Variants in DISC1 observed in about 807,000 individuals in gnomAD.
DISC1 encodes DISC1 scaffold protein, also known as disrupted in schizophrenia 1 protein.
DISC1 carries 57 observed loss-of-function variants against 84.5 expected under a neutral mutation model. The ratio of observed to expected loss-of-function variants is 0.67; its 90% CI spans 0.55 to 0.84. DISC1 has a LOEUF of 0.84. Ranked by LOEUF, DISC1 falls within the 40% of genes least tolerant of loss-of-function variation. DISC1 has a pLI of 0.00. For synonymous variants in DISC1, 411 were observed against 415.2 expected, an observed-to-expected ratio of 0.99 and a Z score of 0.12; for missense variants, 1,000 against 1,057.8, an observed-to-expected ratio of 0.95 and a Z score of 0.76.
chr1:231,831,380 G>A (rs1303724386), intron 9 of DISC1, among the ~76,000 whole-genome samples: 2 of 152,238 alleles, frequency 1.3e-5, no homozygotes, highest in Non-Finnish European at 2.9e-5. Flanking sequence ...AGAATAGAAT[G>A]GGACTGTGAG....
chr1:231,669,770 G>T (rs568968268), intron 1 of DISC1, among the ~76,000 whole-genome samples: 1 of 152,178 alleles, frequency 6.6e-6, no homozygotes, highest in Admixed American at 6.5e-5. Context: ...TATGCTGTCG[G>T]TGGGAGTGTA....
intron 1 of DISC1, among the ~76,000 whole-genome samples, chr1:231,672,147 T>C (rs960318769): frequency 6.6e-6 from 1 of 152,004 alleles, no homozygotes; most frequent in Non-Finnish European, 1.5e-5. Flanking sequence ...TTAGATTCTG[T>C]TTTTTTTCTC....
At chr1:231,933,701 G>T (rs2090806781) in intron 9 of DISC1, among the ~76,000 whole-genome samples, 1 of 152,118 alleles carries the variant, frequency 6.6e-6, no homozygotes, top group Admixed American at 6.6e-5. Context: ...TTTTAACCTG[G>T]CATCTTTTAA....
chr1:231,678,278 A>G (rs2063349077), intron 1 of DISC1, among the ~76,000 whole-genome samples: 1 of 152,218 alleles, frequency 6.6e-6, no homozygotes, highest in Non-Finnish European at 1.5e-5. Context: ...AAAGAGGACG[A>G]ATGTGTTATT....
intron 10 of DISC1, among the ~76,000 whole-genome samples, chr1:231,973,434 G>A (rs1027538453): frequency 7.2e-5 from 11 of 152,220 alleles, no homozygotes; most frequent in African/African-American, 2.4e-4. Context: ...AGCAAGTTGA[G>A]GGACAGGGCT....
At chr1:231,839,513 C>A (rs1477308498) in intron 9 of DISC1, among the ~76,000 whole-genome samples, 1 of 152,116 alleles carries the variant, frequency 6.6e-6, no homozygotes, top group East Asian at 1.9e-4. Flanking sequence ...AGAGCCAAAC[C>A]ATGAGATACC....
intron 1 of DISC1, among the ~76,000 whole-genome samples, chr1:231,684,312 G>A (rs2063999700): frequency 6.6e-6 from 1 of 151,658 alleles, no homozygotes; most frequent in African/African-American, 2.4e-5. Context: ...ACTTGAAAAA[G>A]TATTATCAAA....
chr1:231,996,409 C>G (rs1265973503), intron 10 of DISC1, among the ~76,000 whole-genome samples: 1 of 152,134 alleles, frequency 6.6e-6, no homozygotes, highest in Non-Finnish European at 1.5e-5. Context: ...GACATGAAGT[C>G]CTTGCCCATG....
chr1:232,015,230 T>C (rs930798692), intron 11 of DISC1, among the ~76,000 whole-genome samples: 2 of 152,124 alleles, frequency 1.3e-5, no homozygotes, highest in African/African-American at 4.8e-5. Context: ...TGCTGGCTTC[T>C]CCTTCTTTCG....
At chr1:231,866,102 G>A (rs1369697280) in intron 9 of DISC1, among the ~76,000 whole-genome samples, 2 of 152,126 alleles carry the variant, frequency 1.3e-5, no homozygotes, top group African/African-American at 4.8e-5. Flanking sequence ...TGGTGTGTGT[G>A]TGTGGCTCAG....
intron 4 of DISC1, among the ~76,000 whole-genome samples, chr1:231,758,004 G>T (rs1475262665): frequency 6.6e-6 from 1 of 151,894 alleles, no homozygotes; most frequent in African/African-American, 2.4e-5. Flanking sequence ...GAGGAGGGGT[G>T]GGGGTGGATA....
intron 9 of DISC1, among the ~76,000 whole-genome samples, chr1:231,898,014 C>T (rs1446583912): frequency 6.6e-6 from 1 of 152,076 alleles, no homozygotes; most frequent in Non-Finnish European, 1.5e-5. Flanking sequence ...GGTTGCTGCC[C>T]TCAAGAGACT....
chr1:231,694,524 C>G lies in DISC1; in HGVS notation c.766C>G (p.His256Asp), dbSNP rs199893176. The change falls in exon 2 of 13, where the codon CAC (histidine) becomes GAC (aspartate). Residue 256 changes from histidine (H) to aspartate (D), a missense_variant. By Grantham distance (81) the His-to-Asp change is moderately conservative. Coordinates refer to ENST00000439617, the MANE Select transcript of DISC1 (RefSeq NM_018662.3). ...CAAAGCTGCCAGCTTGGACGGGCCT[C>G]ACGAGGACCCGCGATGTCTCTCTCG... The part of the protein sequence containing the change: ...GAKAASLDGP[H>D]EDPRCLSRPF... The G allele has an allele frequency of 6.6e-5, 107 of 1,614,262 alleles. No individual in the cohort carries two copies. In the Middle Eastern group the frequency reaches 2.0e-3, roughly 30 times the overall value.
intron 9 of DISC1, among the ~76,000 whole-genome samples, chr1:231,830,182 C>T (rs12730166): frequency 0.097 from 14,740 of 152,002 alleles, 968 homozygotes; most frequent in Non-Finnish European, 0.14. Flanking sequence ...AGATAATGGG[C>T]GATGTTTCTC....
At chr1:231,786,082 AAAC>A (rs1387913012) in intron 6 of DISC1, among the ~76,000 whole-genome samples, 11 of 152,282 alleles carry the variant, frequency 7.2e-5, no homozygotes, top group African/African-American at 2.6e-4. Flanking sequence ...ATAGAGTGAA[AAAC>A]AACATGTGTC....
intron 3 of DISC1, among the ~76,000 whole-genome samples, chr1:231,703,055 G>T (rs2066608013): frequency 6.6e-6 from 1 of 152,214 alleles, no homozygotes; most frequent in Non-Finnish European, 1.5e-5. Flanking sequence ...GTCATAGACT[G>T]TTGGAATTAG....
chr1:231,828,611 T>G (rs1315067802), intron 9 of DISC1, among the ~76,000 whole-genome samples: 1 of 152,250 alleles, frequency 6.6e-6, no homozygotes, highest in African/African-American at 2.4e-5. Context: ...AAAAATACCT[T>G]TAGCATAAAA....
intron 1 of DISC1, among the ~76,000 whole-genome samples, chr1:231,645,847 CT>C (rs1052948038): frequency 6.6e-6 from 1 of 150,914 alleles, no homozygotes; most frequent in African/African-American, 2.4e-5. Flanking sequence ...TGAACTCATC[CT>C]TTTTTATGGC....
At chr1:231,846,402 C>A (rs943660486) in intron 9 of DISC1, among the ~76,000 whole-genome samples, 2 of 152,198 alleles carry the variant, frequency 1.3e-5, no homozygotes, top group Non-Finnish European at 2.9e-5. Context: ...CCCTGGCCTT[C>A]CTAAGTGAGA....
Sources: allele counts gnomAD v4.1 joint callset (sites outside exome capture counted in the v4.1 genomes callset), GRCh38; gene constraint gnomAD v4.1.1; transcripts MANE v1.5; gene names NCBI Gene and HGNC (gene_info 2026-07-23, HGNC 2026-07-21).